The following SAMD5 variants were observed in gnomAD, a reference collection of about 807,000 sequenced individuals.
SAMD5 encodes the protein sterile alpha motif domain-containing protein 5.
In SAMD5, 13 loss-of-function variants were observed where a neutral mutation model predicts 11.3. The ratio of observed to expected loss-of-function variants is 1.15; its 90% confidence interval spans 0.75 to 1.83. The LOEUF (loss-of-function observed/expected upper bound fraction) is 1.83, where lower values mean the gene tolerates loss of function less well. Among genes scored for constraint, SAMD5 ranks in the 40% most tolerant of loss-of-function variants. The probability of loss-of-function intolerance (pLI) is 0.00; values close to 1 mark genes in which losing one functional copy is unlikely to be tolerated. For synonymous variants in SAMD5, 129 were observed against 111.3 expected, an observed-to-expected ratio of 1.16 and a Z score of -1.00; for missense variants, 255 against 239.1, an observed-to-expected ratio of 1.07 and a Z score of -0.44.
chr6:147,919,273 G>A, the SAMD5 span, among the ~76,000 whole-genome samples: 1 of 152,138 alleles, frequency 6.6e-6, no homozygotes, highest in African/African-American at 2.4e-5. Flanking sequence ...CTTCACATGG[G>A]GGAACCAGGC....
the SAMD5 span, among the ~76,000 whole-genome samples, chr6:147,850,945 T>C: frequency 7.8e-6 from 1 of 127,858 alleles, no homozygotes; most frequent in Admixed American, 7.9e-5. Flanking sequence ...GTTATAATTG[T>C]TCTTTTTTTT....
the SAMD5 span, among the ~76,000 whole-genome samples, chr6:147,754,378 C>G: frequency 1.4e-5 from 2 of 139,700 alleles, no homozygotes; most frequent in African/African-American, 2.7e-5. Context: ...AATGTCTACT[C>G]AAATCTTTTA....
At chr6:147,526,855 A>G (rs80289252) in intron 1 of SAMD5, among the ~76,000 whole-genome samples, 69 of 152,126 alleles carry the variant, frequency 4.5e-4, no homozygotes, top group Non-Finnish European at 7.8e-4. Flanking sequence ...CTGTTGAGGA[A>G]CTTCCCTGTG....
rs544020626 is a variant in SAMD5 at position 147,561,475 on chromosome 6, C to A, written c.460-2919C>A. Among the ~76,000 whole-genome samples the A allele has an allele frequency of 2.6e-5, 4 of 152,282 alleles. No homozygotes were observed. In the South Asian group the frequency reaches 8.3e-4, roughly 32 times the overall value. ...AAAGTGCTGGGATTACAGGCGTGAG[C>A]CACTGTGCCTGGCTGGCTTTCATGA... is the stretch of plus-strand genomic sequence containing the variant. On this transcript the variant is annotated intron_variant, in intron 1 of 1. Coordinates refer to ENST00000367474, the MANE Select transcript of SAMD5 (RefSeq NM_001030060.3).
the SAMD5 span, among the ~76,000 whole-genome samples, chr6:147,769,903 G>T: frequency 6.6e-6 from 1 of 152,160 alleles, no homozygotes; most frequent in African/African-American, 2.4e-5. Flanking sequence ...GTTTGAAATG[G>T]CGCAGAGTGT....
chr6:147,719,677 A>G (rs1791518990), intron 1 of SAMD5, among the ~76,000 whole-genome samples: 3 of 152,204 alleles, frequency 2.0e-5, no homozygotes, highest in African/African-American at 7.2e-5. Flanking sequence ...TAGAGGTACA[A>G]ATATACTCAG....
chr6:147,948,512 G>A, the SAMD5 span, among the ~76,000 whole-genome samples: 9 of 152,182 alleles, frequency 5.9e-5, no homozygotes, highest in African/African-American at 2.2e-4. Flanking sequence ...TATTGGTTCC[G>A]TTAGAAGTAA....
At chr6:147,602,282 G>A (rs1789629735) in intron 1 of SAMD5, among the ~76,000 whole-genome samples, 1 of 152,124 alleles carries the variant, frequency 6.6e-6, no homozygotes, top group Non-Finnish European at 1.5e-5. Context: ...GGACTGGAAG[G>A]GGTAACAGTG....
At chr6:147,645,898 G>A (rs1410136826) in intron 1 of SAMD5, among the ~76,000 whole-genome samples, 1 of 152,158 alleles carries the variant, frequency 6.6e-6, no homozygotes, top group African/African-American at 2.4e-5. Context: ...GCCGGAACTG[G>A]CTCTCGGATC....
intron 1 of SAMD5, among the ~76,000 whole-genome samples, chr6:147,722,427 G>A (rs118093307): frequency 1.3e-5 from 2 of 152,054 alleles, no homozygotes; most frequent in South Asian, 2.1e-4. Flanking sequence ...TTATGCCCTC[G>A]TCATCCATCC....
At chr6:147,582,229 C>T (rs968463075) in intron 1 of SAMD5, among the ~76,000 whole-genome samples, 4 of 151,658 alleles carry the variant, frequency 2.6e-5, no homozygotes, top group Admixed American at 6.6e-5. Flanking sequence ...CATGGTGGTG[C>T]GCACCTGTAA....
At chr6:147,817,605 A>C in the SAMD5 span, among the ~76,000 whole-genome samples, 2 of 152,378 alleles carry the variant, frequency 1.3e-5, no homozygotes, top group African/African-American at 2.4e-5. Flanking sequence ...ATTAAACCAC[A>C]GCTCTATGGT....
the SAMD5 span, among the ~76,000 whole-genome samples, chr6:147,909,040 C>T: frequency 2.0e-5 from 3 of 152,234 alleles, no homozygotes; most frequent in East Asian, 5.8e-4. Context: ...GAGACTATGT[C>T]TCTACAAAAA....
At chr6:147,744,614 CA>C in the SAMD5 span, among the ~76,000 whole-genome samples, 1 of 152,082 alleles carries the variant, frequency 6.6e-6, no homozygotes, top group Non-Finnish European at 1.5e-5. Flanking sequence ...AAAAGAAACC[CA>C]GGCTGGGCGC....
chr6:147,812,436 G>A, the SAMD5 span, among the ~76,000 whole-genome samples: 1 of 152,064 alleles, frequency 6.6e-6, no homozygotes, highest in Admixed American at 6.6e-5. Flanking sequence ...GAGCGGAAGG[G>A]CTCAGGCACT....
the SAMD5 span, among the ~76,000 whole-genome samples, chr6:147,876,993 G>A: frequency 6.6e-6 from 1 of 152,068 alleles, no homozygotes; most frequent in Admixed American, 6.6e-5. Flanking sequence ...CATTTTGGAG[G>A]CAGACAGGCC....
the SAMD5 span, among the ~76,000 whole-genome samples, chr6:147,761,237 G>T: frequency 6.6e-6 from 1 of 151,988 alleles, no homozygotes; most frequent in African/African-American, 2.4e-5. Flanking sequence ...AAATCTGAAT[G>T]ATAATATATA....
intron 1 of SAMD5, among the ~76,000 whole-genome samples, chr6:147,521,473 AT>A (rs1271424322): frequency 2.0e-5 from 3 of 152,038 alleles, no homozygotes; most frequent in Admixed American, 6.6e-5. Flanking sequence ...CTTTTCAGTA[AT>A]TTTTTAGCTA....
the SAMD5 span, among the ~76,000 whole-genome samples, chr6:147,906,141 A>G: frequency 0.59 from 89,596 of 152,106 alleles, 26,979 homozygotes; most frequent in African/African-American, 0.71. Flanking sequence ...TGAAGAAAAA[A>G]GGAAAAATAA....
Sources: gnomAD v4.1 joint callset for allele counts (sites outside exome capture counted in the v4.1 genomes callset) on GRCh38, gnomAD v4.1.1 for gene constraint, MANE v1.5 for transcripts, NCBI Gene and HGNC (gene_info 2026-07-23, HGNC 2026-07-21) for gene names.